The following ERBIN variants were observed in gnomAD, a reference collection of about 807,000 sequenced individuals.
The protein encoded by ERBIN is erbb2 interacting protein.
In ERBIN, 60 loss-of-function variants were observed where a neutral mutation model predicts 158.4. The ratio of observed to expected loss-of-function variants is 0.38; its 90% CI spans 0.31 to 0.47. The LOEUF is 0.47. Ranked by LOEUF, ERBIN falls within the 20% of genes least tolerant of loss-of-function variation. The pLI, the probability that ERBIN is intolerant of heterozygous loss-of-function variation, is 0.99. For missense variants in ERBIN, 1,610 were observed against 1,648.0 expected (o/e 0.98, Z 0.40); for synonymous variants, 594 against 557.2 (o/e 1.07, Z -0.93).
intron 1 of ERBIN, among the ~76,000 whole-genome samples, chr5:65,950,351 CT>C (rs1746352115): frequency 6.6e-5 from 10 of 152,084 alleles, no homozygotes; most frequent in Non-Finnish European, 1.3e-4. Flanking sequence ...TTTTTCATGA[CT>C]TTGATTTTTG....
chr5:66,062,507 G>A (rs1760519564), intron 21 of ERBIN, among the ~76,000 whole-genome samples: 1 of 151,764 alleles, frequency 6.6e-6, no homozygotes, highest in South Asian at 2.1e-4. Context: ...TTAGCTCGGA[G>A]TAGTTTGATC....
At chr5:66,048,856 A>G in intron 19 of ERBIN, 75 bp downstream of exon 19, 2 of 829,554 alleles carry the variant, frequency 2.4e-6, no homozygotes, top group African/African-American at 1.8e-5. Flanking sequence ...AATAAATTTC[A>G]TTGAATATTA....
At chr5:66,065,800 G>T (rs941880363) in intron 21 of ERBIN, among the ~76,000 whole-genome samples, 4 of 152,052 alleles carry the variant, frequency 2.6e-5, no homozygotes, top group African/African-American at 4.8e-5. Flanking sequence ...TTAAAAGCTG[G>T]TCTGAAGAAT....
chr5:66,076,992 TAATGTTTTCACAGTTTAA>T (rs1274757476), intron 25 of ERBIN, 43 bp downstream of exon 25: 4 of 1,333,768 alleles, frequency 3.0e-6, no homozygotes, highest in Non-Finnish European at 4.2e-6. Flanking sequence ...TATAACACTC[TAATGTTTTCACAGTTTAA>T]AATGTTTTCA....
chr5:65,944,119 A>G (rs983222708), intron 1 of ERBIN, among the ~76,000 whole-genome samples: 5 of 152,018 alleles, frequency 3.3e-5, no homozygotes, highest in African/African-American at 1.2e-4. Context: ...GTCGATAAAT[A>G]TCTCCTTGAG....
intron 4 of ERBIN, among the ~76,000 whole-genome samples, chr5:65,996,797 T>C (rs79338788): frequency 0.011 from 1,684 of 152,296 alleles, 34 homozygotes; most frequent in African/African-American, 0.037. Flanking sequence ...TGCTTCAATT[T>C]TTTTCATCAA....
At chr5:65,998,232 AT>A (rs1425773314) in intron 4 of ERBIN, among the ~76,000 whole-genome samples, 11 of 145,448 alleles carry the variant, frequency 7.6e-5, no homozygotes, top group East Asian at 2.0e-4. Context: ...TCAAAAAAAA[AT>A]ATATATATAT....
chr5:66,031,486 A>G (rs1196420875), intron 14 of ERBIN, among the ~76,000 whole-genome samples: 14 of 152,202 alleles, frequency 9.2e-5, no homozygotes, highest in Non-Finnish European at 1.5e-5. Context: ...AAGGGATGTA[A>G]AGGCAAATTT....
chr5:65,957,237 T>A (rs987686850), intron 1 of ERBIN, among the ~76,000 whole-genome samples: 21 of 152,088 alleles, frequency 1.4e-4, no homozygotes, highest in East Asian at 1.2e-3. Context: ...TTATTTTTTT[T>A]ATTGATCATT....
chr5:66,076,955 T>C lies in ERBIN; in HGVS notation c.4131+6T>C, dbSNP rs906325714. On this transcript the variant is annotated splice_donor_region_variant and intron_variant, in intron 25 of 25. Transcript: ENST00000284037. Reference sequence around the variant, plus strand: ...CAGGTGATAAAATTATTCAGGTAATTAAAATAAATCTTTTTTTTTTTCATT... The same window carrying C: ...CAGGTGATAAAATTATTCAGGTAATCAAAATAAATCTTTTTTTTTTTCATT... 7.0e-6 allele frequency: 11 copies of C among 1,565,494 alleles called. No homozygotes were observed. The highest frequency in any genetic ancestry group is 9.6e-6 in the Non-Finnish European group (11 of 1,144,966).
intron 1 of ERBIN, among the ~76,000 whole-genome samples, chr5:65,930,531 A>T (rs1337810830): frequency 6.6e-6 from 1 of 152,072 alleles, no homozygotes; most frequent in African/African-American, 2.4e-5. Context: ...GATGGTCTTT[A>T]TCTCCTGACC....
chr5:65,976,913 C>T (rs1749949779), intron 1 of ERBIN, among the ~76,000 whole-genome samples: 1 of 151,870 alleles, frequency 6.6e-6, no homozygotes, highest in Non-Finnish European at 1.5e-5. Flanking sequence ...CCCATGTCTA[C>T]CTCTTTCTAC....
At chr5:66,045,576 T>G (rs956194200) in intron 17 of ERBIN, among the ~76,000 whole-genome samples, 6 of 152,114 alleles carry the variant, frequency 3.9e-5, no homozygotes, top group African/African-American at 1.4e-4. Flanking sequence ...CTAATAAATT[T>G]CTCTGAACAT....
chr5:66,016,756 A>C (rs1754782954), intron 7 of ERBIN, among the ~76,000 whole-genome samples: 1 of 151,852 alleles, frequency 6.6e-6, no homozygotes, highest in Non-Finnish European at 1.5e-5. Context: ...TGGGACTATA[A>C]GCATGTACCA....
Position 66,026,391 on chromosome 5 carries a change from A to G in ERBIN, c.1110A>G (p.Leu370=), listed in dbSNP as rs13359950. 9.3e-5 allele frequency: 149 copies of G among 1,596,470 alleles called. No homozygotes were observed. The African/African-American group carries it at 1.8e-3, about 19-fold the overall frequency. The change falls in exon 13 of 26, where the codon TTA becomes TTG. Residue 370 remains leucine (L), a synonymous_variant. Coordinates refer to ENST00000284037, the MANE Select transcript of ERBIN (RefSeq NM_001253697.2). ...AGGAAATGGGTGATATGCAAAAATT[A>G]AAAGTCATTAATTTAAGTGATAATA... The part of the protein sequence containing the change: ...LPEEMGDMQK[L]KVINLSDNRL...
intron 1 of ERBIN, among the ~76,000 whole-genome samples, chr5:65,982,531 A>C (rs1248687691): frequency 6.6e-6 from 1 of 152,216 alleles, no homozygotes; most frequent in Non-Finnish European, 1.5e-5. Context: ...CTCTTTTCCA[A>C]AAGTCTTATT....
At position 66,059,871 on chromosome 5, in the gene ERBIN, CA is replaced by C. The variant is rs1335719655; in HGVS notation, c.3633+4921del. The stretch of plus-strand genomic sequence containing the variant: ...ATTTTCATATGTTGAACCAGCCTTG[CA>C]TCCCAGGGATGAAGCCCACTTGATC... On this transcript the variant is annotated intron_variant, in intron 21 of 25. Transcript: ENST00000284037. 6.6e-5 allele frequency among the ~76,000 whole-genome samples: 10 copies of C among 152,318 alleles called. 1 individual carries two copies. Among genetic ancestry groups the C allele is most frequent in the Middle Eastern group, 3.4e-3 (1 of 294 alleles).
At chr5:66,020,879 A>G (rs1327142088) in intron 7 of ERBIN, among the ~76,000 whole-genome samples, 1 of 152,008 alleles carries the variant, frequency 6.6e-6, no homozygotes, top group Non-Finnish European at 1.5e-5. Context: ...AGCATTTTGA[A>G]TATTAATTTT....
chr5:66,056,465 G>A (rs1049537052), intron 21 of ERBIN, among the ~76,000 whole-genome samples: 1 of 151,462 alleles, frequency 6.6e-6, no homozygotes, highest in Non-Finnish European at 1.5e-5. Context: ...TCCTACTCCT[G>A]TCTGACAGAT....
Sources: gnomAD v4.1 joint callset for allele counts (sites outside exome capture counted in the v4.1 genomes callset) on GRCh38, gnomAD v4.1.1 for gene constraint, MANE v1.5 for transcripts, NCBI Gene and HGNC (gene_info 2026-07-23, HGNC 2026-07-21) for gene names.